MARCHF1: variants seen among roughly 807,000 people sequenced by gnomAD.
MARCHF1 encodes E3 ubiquitin-protein ligase MARCHF1.
A neutral mutation model predicts 54.2 loss-of-function variants in MARCHF1; 40 were observed. The observed-to-expected ratio is 0.74, with a 90% CI of 0.57 to 0.96. The LOEUF is 0.96. MARCHF1 is among the 40% of genes least tolerant of loss of function. The pLI is 0.00. For synonymous variants in MARCHF1, 236 were observed against 236.3 expected, an observed-to-expected ratio of 1.00 and a Z score of 0.01; for missense variants, 586 against 656.5, an observed-to-expected ratio of 0.89 and a Z score of 1.17.
chr4:163,774,937 G>C (rs768442084), intron 4 of MARCHF1, among the ~76,000 whole-genome samples: 1 of 152,092 alleles, frequency 6.6e-6, no homozygotes, highest in Non-Finnish European at 1.5e-5. Context: ...ATTTTCATTT[G>C]TATTCAAAGG....
chr4:164,164,839 T>C (rs1341224995), intron 1 of MARCHF1, among the ~76,000 whole-genome samples: 1 of 151,964 alleles, frequency 6.6e-6, no homozygotes, highest in Non-Finnish European at 1.5e-5. Context: ...ATCATGGTGG[T>C]TTTATAAAAT....
chr4:164,064,685 T>C (rs1007283970), intron 2 of MARCHF1, among the ~76,000 whole-genome samples: 1 of 152,186 alleles, frequency 6.6e-6, no homozygotes, highest in Non-Finnish European at 1.5e-5. Context: ...CAATACTTTG[T>C]TGAATAGGAG....
chr4:164,251,357 T>C (rs1273344082), intron 1 of MARCHF1, among the ~76,000 whole-genome samples: 2 of 152,128 alleles, frequency 1.3e-5, no homozygotes, highest in African/African-American at 4.8e-5. Context: ...AAGAAAAAGA[T>C]ACAGTGTAAG....
intron 2 of MARCHF1, among the ~76,000 whole-genome samples, chr4:163,991,825 C>T (rs1752971685): frequency 6.6e-6 from 1 of 152,098 alleles, no homozygotes; most frequent in African/African-American, 2.4e-5. Context: ...TTTGCTTCTA[C>T]ATTCTGGCTT....
chr4:164,273,196 A>T (rs9760997), intron 1 of MARCHF1, among the ~76,000 whole-genome samples: 142,052 of 152,090 alleles, frequency 0.93, 66,369 homozygotes, highest in Non-Finnish European at 0.94. Flanking sequence ...TTGGGAGGCC[A>T]CAGGAAATCT....
intron 2 of MARCHF1, among the ~76,000 whole-genome samples, chr4:163,997,623 G>T (rs1753102554): frequency 1.3e-5 from 2 of 151,924 alleles, no homozygotes; most frequent in Admixed American, 1.3e-4. Context: ...TTTACTATTT[G>T]TACATAGGTT....
chr4:164,108,024 A>C (rs985631177), intron 2 of MARCHF1, among the ~76,000 whole-genome samples: 2 of 152,092 alleles, frequency 1.3e-5, no homozygotes, highest in Non-Finnish European at 2.9e-5. Flanking sequence ...AGAGTCTGAA[A>C]TTTGACATAA....
At chr4:163,827,596 C>T (rs1748890318) in intron 4 of MARCHF1, among the ~76,000 whole-genome samples, 1 of 152,144 alleles carries the variant, frequency 6.6e-6, no homozygotes, top group Admixed American at 6.6e-5. Context: ...CTCTGTGTAG[C>T]TTAGCCCAAT....
At chr4:163,685,243 A>G (rs1744229715) in intron 5 of MARCHF1, among the ~76,000 whole-genome samples, 2 of 152,112 alleles carry the variant, frequency 1.3e-5, no homozygotes, top group African/African-American at 4.8e-5. Flanking sequence ...TTCTCAGAAC[A>G]TTTTGACGGC....
At chr4:163,719,428 C>T (rs113678372) in intron 4 of MARCHF1, among the ~76,000 whole-genome samples, 2,454 of 152,228 alleles carry the variant, frequency 0.016, 69 homozygotes, top group African/African-American at 0.057. Flanking sequence ...TCCAGTCTAT[C>T]ATTGTTGGAC....
At chr4:163,709,874 C>T (rs1408008707) in intron 4 of MARCHF1, among the ~76,000 whole-genome samples, 4 of 152,110 alleles carry the variant, frequency 2.6e-5, no homozygotes, top group Non-Finnish European at 5.9e-5. Flanking sequence ...ACATGGCAAA[C>T]TTTGGACAAG....
intron 1 of MARCHF1, among the ~76,000 whole-genome samples, chr4:164,142,128 G>C (rs925037781): frequency 2.0e-5 from 3 of 152,318 alleles, no homozygotes; most frequent in Admixed American, 2.0e-4. Flanking sequence ...TTAAAACACA[G>C]CGCACCTGGA....
At chr4:163,994,657 C>G (rs10025579) in intron 2 of MARCHF1, among the ~76,000 whole-genome samples, 3,541 of 149,980 alleles carry the variant, frequency 0.024, 125 homozygotes, top group East Asian at 0.18. Context: ...GAATTAAAAA[C>G]TAAATTTAAC....
At chr4:164,150,671 T>G (rs1209024397) in intron 1 of MARCHF1, among the ~76,000 whole-genome samples, 1 of 152,170 alleles carries the variant, frequency 6.6e-6, no homozygotes, top group Non-Finnish European at 1.5e-5. Flanking sequence ...TACTCTAGAC[T>G]TGGACCATTT....
intron 7 of MARCHF1, among the ~76,000 whole-genome samples, chr4:163,590,022 C>T (rs1285364366): frequency 6.7e-6 from 1 of 150,244 alleles, no homozygotes; most frequent in East Asian, 2.0e-4. Context: ...TAGCAGACCA[C>T]ATAACGCTAT....
chr4:163,676,424 A>G (rs964947848), intron 5 of MARCHF1, among the ~76,000 whole-genome samples: 1 of 152,028 alleles, frequency 6.6e-6, no homozygotes, highest in Non-Finnish European at 1.5e-5. Context: ...ATCAAGCAGC[A>G]TAACAGCAAG....
intron 2 of MARCHF1, among the ~76,000 whole-genome samples, chr4:163,996,944 T>G (rs567509885): frequency 8.5e-5 from 13 of 152,172 alleles, no homozygotes; most frequent in Non-Finnish European, 1.5e-4. Flanking sequence ...TCCAGAACCA[T>G]GACAATATAT....
intron 1 of MARCHF1, among the ~76,000 whole-genome samples, chr4:164,147,688 G>A (rs1422856209): frequency 5.8e-5 from 7 of 120,424 alleles, no homozygotes; most frequent in Non-Finnish European, 8.4e-5. Context: ...GGGGGGAGGG[G>A]GGAGGGATAG....
intron 5 of MARCHF1, among the ~76,000 whole-genome samples, chr4:163,690,729 C>T (rs1290470918): frequency 6.6e-6 from 1 of 152,178 alleles, no homozygotes; most frequent in African/African-American, 2.4e-5. Context: ...CAGAATACAA[C>T]AGGAAGCCTT....
Sources: allele counts gnomAD v4.1 joint callset (sites outside exome capture counted in the v4.1 genomes callset), GRCh38; gene constraint gnomAD v4.1.1; transcripts MANE v1.5; gene names NCBI Gene and HGNC (gene_info 2026-07-23, HGNC 2026-07-21).